DIAPH2: variants seen among roughly 807,000 people sequenced by gnomAD.
DIAPH2 encodes the protein diaphanous related formin 2, also known as protein diaphanous homolog 2.
A neutral mutation model predicts 92.7 loss-of-function variants in DIAPH2; 35 were observed. The observed-to-expected ratio is 0.38, with a 90% CI of 0.29 to 0.50. The LOEUF (loss-of-function observed/expected upper bound fraction) is 0.50, where lower values mean the gene tolerates loss of function less well. DIAPH2 is among the 20% of genes least tolerant of loss of function. DIAPH2 has a pLI of 0.94. For missense variants in DIAPH2, 701 were observed against 819.5 expected (o/e 0.86, Z 1.77); for synonymous variants, 301 against 280.4 (o/e 1.07, Z -0.73).
At chrX:97,179,069 T>C (rs1196917025) in intron 22 of DIAPH2, among the ~76,000 whole-genome samples, 6 of 111,247 alleles carry the variant, frequency 5.4e-5, no homozygotes, top group Non-Finnish European at 1.1e-4. Context: ...TATACTGTAT[T>C]AGCAGCACAA....
intron 17 of DIAPH2, among the ~76,000 whole-genome samples, chrX:96,971,262 A>C (rs1002138468): frequency 8.9e-6 from 1 of 112,227 alleles, no homozygotes; most frequent in Non-Finnish European, 1.9e-5. Context: ...ACATACTTGC[A>C]TTCCAGCTGT....
chrX:97,570,075 AAT>A (rs1164491863), intron 26 of DIAPH2, among the ~76,000 whole-genome samples: 387 of 12,074 alleles, frequency 0.032, 6 homozygotes, highest in Non-Finnish European at 0.038. Flanking sequence ...AAGGCCTTCT[AAT>A]ATATATATAT....
At chrX:97,566,208 A>T (rs982109187) in intron 26 of DIAPH2, among the ~76,000 whole-genome samples, 3 of 112,180 alleles carry the variant, frequency 2.7e-5, no homozygotes, top group Non-Finnish European at 5.6e-5. Flanking sequence ...AATGTAAGAC[A>T]TCTTCCTCTT....
intron 19 of DIAPH2, among the ~76,000 whole-genome samples, chrX:97,091,491 G>T (rs979815445): frequency 7.2e-5 from 8 of 110,798 alleles, no homozygotes; most frequent in Non-Finnish European, 1.5e-4. Flanking sequence ...GCCCAGGCTT[G>T]TCTCAATCTC....
chrX:97,484,150 A>G lies in DIAPH2; in HGVS notation c.3241+54405A>G, dbSNP rs1367659058. 3.6e-5 allele frequency among the ~76,000 whole-genome samples: 4 copies of G among 111,639 alleles called. No homozygotes were observed. The Admixed American group carries it at 3.8e-4, about 11-fold the overall frequency. Reference sequence around the variant, plus strand: ...TACCCCAGGTCTTGAATCACAGTATATAGTGCTCAGGAATCTACATTTTAA... The same window carrying G: ...TACCCCAGGTCTTGAATCACAGTATGTAGTGCTCAGGAATCTACATTTTAA... On this transcript the variant is annotated intron_variant, in intron 26 of 26. Coordinates refer to ENST00000324765, the MANE Select transcript of DIAPH2 (RefSeq NM_006729.5).
At chrX:96,760,715 T>G (rs1378224169) in intron 4 of DIAPH2, among the ~76,000 whole-genome samples, 1 of 111,210 alleles carries the variant, frequency 9.0e-6, no homozygotes, top group African/African-American at 3.3e-5. Flanking sequence ...TGTCGTATAA[T>G]TAACTTTGCT....
chrX:97,183,406 G>A (rs1477403222), intron 22 of DIAPH2, among the ~76,000 whole-genome samples: 5 of 111,663 alleles, frequency 4.5e-5, no homozygotes, highest in Non-Finnish European at 9.4e-5. Context: ...TGTTGGCCTA[G>A]GTTATATTGC....
At position 97,091,468 on chromosome X, in the gene DIAPH2, G is replaced by A. The variant is rs12353793; in HGVS notation, c.2248-8226G>A. Among the ~76,000 whole-genome samples the A allele has an allele frequency of 3.4e-3, 375 of 109,734 alleles. 5 individuals carry two copies. Among genetic ancestry groups the A allele is most frequent in the African/African-American group, 0.012 (354 of 30,119 alleles). ...TTTAAAAGCTATTTTAGCGATGGGG[G>A]TCTTGCTGTGTTGCCCAGGCTTGTC... On this transcript the variant is annotated intron_variant, in intron 19 of 26. Transcript: ENST00000324765.
chrX:97,030,043 T>C (rs1246058159), intron 17 of DIAPH2, among the ~76,000 whole-genome samples: 1 of 111,718 alleles, frequency 9.0e-6, no homozygotes, highest in East Asian at 2.8e-4. Flanking sequence ...TCTCTGATGG[T>C]TTCATATGAT....
intron 19 of DIAPH2, among the ~76,000 whole-genome samples, chrX:97,076,429 G>C (rs1378454322): frequency 9.0e-6 from 1 of 111,108 alleles, no homozygotes; most frequent in Non-Finnish European, 1.9e-5. Flanking sequence ...CTACTCAGGA[G>C]GCTGAGGCAG....
chrX:97,274,053 G>GTGTGTGTGTGTGTA (rs2068415422), intron 23 of DIAPH2, among the ~76,000 whole-genome samples: 3 of 90,131 alleles, frequency 3.3e-5, no homozygotes, highest in African/African-American at 1.2e-4. Context: ...GTGTGTGTGT[G>GTGTGTGTGTGTGTA]TATAGAGAGA....
At chrX:97,560,391 G>GTA (rs1361431906) in intron 26 of DIAPH2, among the ~76,000 whole-genome samples, 5 of 112,223 alleles carry the variant, frequency 4.5e-5, no homozygotes, top group African/African-American at 1.6e-4. Context: ...GGCTACTACC[G>GTA]TATACCCCTC....
chrX:97,204,242 A>G (rs2067777121), intron 22 of DIAPH2, among the ~76,000 whole-genome samples: 1 of 112,182 alleles, frequency 8.9e-6, no homozygotes, highest in Middle Eastern at 4.6e-3. Flanking sequence ...AGCTGGAAGC[A>G]TTCTTTTTGA....
chrX:97,572,112 G>A (rs1434511661), intron 26 of DIAPH2, among the ~76,000 whole-genome samples: 2 of 107,619 alleles, frequency 1.9e-5, no homozygotes, highest in Non-Finnish European at 3.8e-5. Flanking sequence ...AATCAGATTG[G>A]ATTGTAAAAT....
intron 22 of DIAPH2, among the ~76,000 whole-genome samples, chrX:97,157,942 A>G (rs1204302469): frequency 8.9e-6 from 1 of 112,279 alleles, no homozygotes; most frequent in East Asian, 2.8e-4. Context: ...GTGGAGTTCA[A>G]ATATTTTGTA....
At chrX:96,813,491 T>G (rs771075831) in intron 4 of DIAPH2, among the ~76,000 whole-genome samples, 139 of 111,610 alleles carry the variant, frequency 1.2e-3, no homozygotes, top group African/African-American at 4.3e-3. Context: ...TGCCAGTCTG[T>G]GTCTTTTAAT....
At position 96,972,339 on chromosome X, in the gene DIAPH2, A is replaced by G. The variant is rs996431009; in HGVS notation, c.2050+7132A>G. On this transcript the variant is annotated intron_variant, in intron 17 of 26. Coordinates refer to ENST00000324765, the MANE Select transcript of DIAPH2 (RefSeq NM_006729.5). Reference sequence around the variant, plus strand: ...ACACACTAGTTCTCATATCTATAATATTTAAATGTTTAAATATTTAATATG... The same window carrying G: ...ACACACTAGTTCTCATATCTATAATGTTTAAATGTTTAAATATTTAATATG... Among the ~76,000 whole-genome samples, 3 of 112,270 alleles carry G rather than the reference A, an allele frequency of 2.7e-5. No homozygotes were observed. The South Asian group carries it at 1.1e-3, about 41-fold the overall frequency.
intron 26 of DIAPH2, among the ~76,000 whole-genome samples, chrX:97,516,254 CA>C (rs1002751158): frequency 4.7e-5 from 5 of 106,087 alleles, no homozygotes; most frequent in Non-Finnish European, 9.7e-5. Context: ...GACACCATCT[CA>C]AAAAAAATAA....
At chrX:96,887,969 ATG>A (rs1214626068) in intron 5 of DIAPH2, among the ~76,000 whole-genome samples, 5 of 108,224 alleles carry the variant, frequency 4.6e-5, no homozygotes, top group Non-Finnish European at 7.7e-5. Flanking sequence ...GCGTGTGTGT[ATG>A]TGTGTGTGTG....
Sources: gnomAD v4.1 joint callset for allele counts (sites outside exome capture counted in the v4.1 genomes callset) on GRCh38, gnomAD v4.1.1 for gene constraint, MANE v1.5 for transcripts, NCBI Gene and HGNC (gene_info 2026-07-23, HGNC 2026-07-21) for gene names.